RARG: variants seen among roughly 807,000 people sequenced by gnomAD.
The protein encoded by RARG is retinoic acid receptor gamma.
In RARG, 17 loss-of-function variants were observed where a neutral mutation model predicts 43.7. That is an observed-to-expected ratio of 0.39 (90% CI 0.27 to 0.58). RARG has a LOEUF of 0.58. Ranked by LOEUF, RARG falls within the 20% of genes least tolerant of loss-of-function variation. The probability of loss-of-function intolerance (pLI) is 0.57; values close to 1 mark genes in which losing one functional copy is unlikely to be tolerated. For missense variants in RARG, 346 were observed against 598.7 expected (o/e 0.58, Z 4.40); for synonymous variants, 238 against 236.4 (o/e 1.01, Z -0.06).
intron 3 of RARG, chr12:53,219,858 C>T: frequency 8.1e-7 from 1 of 1,233,456 alleles, no homozygotes; most frequent in Non-Finnish European, 1.1e-6. Flanking sequence ...AGAAGCTCCT[C>T]CTTGCACCTC....
intron 3 of RARG, among the ~76,000 whole-genome samples, chr12:53,226,694 C>T (rs868028569): frequency 8.6e-5 from 13 of 151,830 alleles, no homozygotes; most frequent in South Asian, 2.1e-4. Context: ...TCACTGCAAC[C>T]TCTGCTTCCT....
chr12:53,218,567 C>T (rs1278167119), intron 3 of RARG, among the ~76,000 whole-genome samples: 1 of 152,168 alleles, frequency 6.6e-6, no homozygotes, highest in Non-Finnish European at 1.5e-5. Context: ...CTTTAAATGA[C>T]ACACTTTTAA....
chr12:53,223,557 T>G, intron 3 of RARG, among the ~76,000 whole-genome samples: 1 of 128,180 alleles, frequency 7.8e-6, no homozygotes, highest in Admixed American at 8.4e-5. Flanking sequence ...CCTGTTGCAA[T>G]CAAAGCCCCG....
chr12:53,213,279 G>C lies in RARG; in HGVS notation c.1019-36C>G. On this transcript the variant is annotated intron_variant, in intron 8 of 9. Coordinates refer to ENST00000425354, the MANE Select transcript of RARG (RefSeq NM_000966.6). The surrounding 1 kb of genome is among the most constrained non-coding windows in gnomAD (Gnocchi z 4.7). The stretch of plus-strand genomic sequence containing the variant: ...AAGTATACTGGAGTGAGAGGGGAAG[G>C]AAGAGATGGGGAAGACACAGTGACA... The C allele has an allele frequency of 1.3e-6, 2 of 1,525,610 alleles. No homozygotes were observed. Among genetic ancestry groups the C allele is most frequent in the South Asian group, 1.1e-5 (1 of 87,524 alleles). The allele number at this position is 1,525,610 out of a possible 1,614,324, so 94.5% of individuals were successfully genotyped here. A position where few individuals can be genotyped will look rare whatever the true frequency, so the allele number is the denominator to read the frequency against.
chr12:53,220,050 C>A (rs1942907415), intron 3 of RARG: 2 of 1,547,824 alleles, frequency 1.3e-6, no homozygotes, highest in East Asian at 4.9e-5. Flanking sequence ...GCCCGGCCGC[C>A]CCGTACAGCC....
chr12:53,227,293 T>C lies in RARG; in HGVS notation c.184+69A>G. 1 of 1,442,468 alleles carries C rather than the reference T, an allele frequency of 6.9e-7. No individual in the cohort carries two copies. The highest frequency in any genetic ancestry group is 1.5e-5 in the South Asian group (1 of 68,560). The allele number at this position is 1,442,468 out of a possible 1,614,324, so 89.4% of individuals were successfully genotyped here. On this transcript the variant is annotated intron_variant, in intron 3 of 9. Coordinates refer to ENST00000425354, the MANE Select transcript of RARG (RefSeq NM_000966.6). This position sits in a 1 kb window ranked among gnomAD's most constrained non-coding sequence, Gnocchi z 4.3. ...CTTCCTAACTGGGGTGCCAACTCTT[T>C]TACCATCCACCCTCCTGATGCCTTC...
At chr12:53,223,529 C>G (rs568363458) in intron 3 of RARG, among the ~76,000 whole-genome samples, 12 of 149,344 alleles carry the variant, frequency 8.0e-5, no homozygotes, top group East Asian at 2.1e-4. Flanking sequence ...CCCCGCCCCC[C>G]CCCCGCCCAA....
At chr12:53,214,809 C>A in intron 5 of RARG, 1 of 561,188 alleles carries the variant, frequency 1.8e-6, no homozygotes, top group Non-Finnish European at 3.0e-6. Flanking sequence ...GGCCTGCAGC[C>A]CCTGCTCCTT....
intron 3 of RARG, among the ~76,000 whole-genome samples, chr12:53,225,601 C>T (rs377742882): frequency 6.6e-6 from 1 of 152,190 alleles, no homozygotes; most frequent in African/African-American, 2.4e-5. Flanking sequence ...GAAGGATGTG[C>T]GTTTATCTTT....
At chr12:53,228,790 T>C (rs1345162361) in intron 2 of RARG, among the ~76,000 whole-genome samples, 3 of 152,194 alleles carry the variant, frequency 2.0e-5, no homozygotes, top group Non-Finnish European at 2.9e-5. Flanking sequence ...GTCAGGCTGG[T>C]CTCGAACTCC....
chr12:53,226,235 C>T (rs1943104501), intron 3 of RARG, among the ~76,000 whole-genome samples: 1 of 151,854 alleles, frequency 6.6e-6, no homozygotes, highest in Non-Finnish European at 1.5e-5. Flanking sequence ...TCAAGTGCTT[C>T]TCCTCCCTCA....
At chr12:53,222,898 TG>T (rs1297281275) in intron 3 of RARG, among the ~76,000 whole-genome samples, 2 of 152,104 alleles carry the variant, frequency 1.3e-5, no homozygotes, top group African/African-American at 2.4e-5. Context: ...ACCATCCTGG[TG>T]GGAGTATGAA....
At position 53,213,779 on chromosome 12, in the gene RARG, G is replaced by C. The variant is rs901611943; in HGVS notation, c.814-79C>G. The C allele has an allele frequency of 3.5e-6, 5 of 1,422,072 alleles. No homozygotes were observed. The highest frequency in any genetic ancestry group is 3.9e-6 in the Non-Finnish European group (4 of 1,024,630). 88.1% of individuals were successfully genotyped at this position (1,422,072 alleles called of 1,614,324 possible). On this transcript the variant is annotated intron_variant, in intron 7 of 9. Coordinates refer to ENST00000425354, the MANE Select transcript of RARG (RefSeq NM_000966.6). This position sits in a 1 kb window ranked among gnomAD's most constrained non-coding sequence, Gnocchi z 4.7. ...GAGGGAATGAGTGGAAAGTGAGGAG[G>C]TTAGGTCCCCAGTGAGTGCAACCTG...
In RARG at chr12:53,215,125, C is replaced by A. The variant is rs905049755; in HGVS notation, c.475+168G>T. On this transcript the variant is annotated intron_variant, in intron 5 of 9. Transcript: ENST00000425354. The surrounding 1 kb of genome is among the most constrained non-coding windows in gnomAD (Gnocchi z 6.4). ...GAGGGAGAATGGGAAATGGTGGGGC[C>A]TCCTGGTTGAATGGAGCTAATCAAA... is the stretch of plus-strand genomic sequence containing the variant. Among the ~76,000 whole-genome samples, 3 of 152,108 alleles carry A rather than the reference C, an allele frequency of 2.0e-5. No individual in the cohort carries two copies. The highest frequency in any genetic ancestry group is 2.9e-5 in the Non-Finnish European group (2 of 68,012).
chr12:53,212,343 T>C (rs1182044796), intron 9 of RARG, among the ~76,000 whole-genome samples: 2 of 152,234 alleles, frequency 1.3e-5, no homozygotes, highest in African/African-American at 2.4e-5. Flanking sequence ...CAATCTGAAA[T>C]GTGACTACTG....
chr12:53,214,021 G>A (rs1942685213), intron 7 of RARG, 38 bp downstream of exon 7: 1 of 1,587,704 alleles, frequency 6.3e-7, no homozygotes, highest in African/African-American at 1.3e-5. Context: ...TCCCATATGT[G>A]GGTCGGGCTG....
At position 53,213,900 on chromosome 12, in the gene RARG, T is replaced by G; in HGVS notation, c.813+159A>C. 1 of 1,098,526 alleles carries G rather than the reference T, an allele frequency of 9.1e-7. No individual in the cohort carries two copies. The highest frequency in any genetic ancestry group is 1.5e-5 in the South Asian group (1 of 67,454). The allele number at this position is 1,098,526 out of a possible 1,614,324, so 68.0% of individuals were successfully genotyped here. A position where few individuals can be genotyped will look rare whatever the true frequency, so the allele number is the denominator to read the frequency against. ...AGACAGGGCATCCAAAAGTCTAGGA[T>G]CAGGTCATAGGGGCAGAGGCTAAGA... is the stretch of plus-strand genomic sequence containing the variant. On this transcript the variant is annotated intron_variant, in intron 7 of 9. Transcript: ENST00000425354. The surrounding 1 kb of genome is among the most constrained non-coding windows in gnomAD (Gnocchi z 4.7).
In RARG at chr12:53,211,444, C is replaced by T; in HGVS notation, c.*232G>A. On this transcript the variant is annotated 3_prime_UTR_variant, in exon 10 of 10. Coordinates refer to ENST00000425354, the MANE Select transcript of RARG (RefSeq NM_000966.6). This position sits in a 1 kb window ranked among gnomAD's most constrained non-coding sequence, Gnocchi z 4.6. ...CCAAACCCAGGCTCATCCCTTTGCCCTCTCTCCTGGTGGGAGCAGGGCAGG... is the reference window on the plus strand; with the variant it reads ...CCAAACCCAGGCTCATCCCTTTGCCTTCTCTCCTGGTGGGAGCAGGGCAGG... 2.5e-6 allele frequency: 1 copy of T among 393,482 alleles called. No individual in the cohort carries two copies. Among genetic ancestry groups the T allele is most frequent in the Non-Finnish European group, 4.5e-6 (1 of 222,578 alleles). The allele number at this position is 393,482 out of a possible 1,614,324, so 24.4% of individuals were successfully genotyped here.
chr12:53,219,949 C>T, intron 3 of RARG: 1 of 1,515,174 alleles, frequency 6.6e-7, no homozygotes, highest in Non-Finnish European at 8.9e-7. Flanking sequence ...CCGGTACCTA[C>T]ATTGCAGGCT....
Sources: allele counts gnomAD v4.1 joint callset (sites outside exome capture counted in the v4.1 genomes callset), GRCh38; gene constraint gnomAD v4.1.1; non-coding constraint Gnocchi (gnomAD v3.1); transcripts MANE v1.5; gene names NCBI Gene and HGNC (gene_info 2026-07-23, HGNC 2026-07-21).